Variants in RDH11 observed in about 807,000 individuals in gnomAD.
The protein encoded by RDH11 is retinol dehydrogenase 11.
In RDH11, 19 loss-of-function variants were observed where a neutral mutation model predicts 33.4. The ratio of observed to expected loss-of-function variants is 0.57; its 90% CI spans 0.40 to 0.83. RDH11 has a LOEUF of 0.83. RDH11 is among the 40% of genes least tolerant of loss of function. The pLI is 0.00. For missense variants in RDH11, 353 were observed against 389.0 expected (o/e 0.91, Z 0.78); for synonymous variants, 154 against 155.3 (o/e 0.99, Z 0.06).
chr14:67,685,153 A>C lies in RDH11; in HGVS notation c.716T>G (p.Leu239Arg), dbSNP rs929622154. The stretch of plus-strand genomic sequence containing the variant: ...TCTCATGAAAGATGAGTGCCGAACC[A>C]GTTCAGATTGGACTGTGCCAGGGTG... ...SVHPGTVQSE[L>R]VRHSSFMRWM... The change falls in exon 6 of 7, where the codon CTG (leucine) becomes CGG (arginine). Residue 239 changes from leucine (L) to arginine (R), a missense_variant. Coordinates refer to ENST00000381346, the MANE Select transcript of RDH11 (RefSeq NM_016026.4). 6.2e-7 allele frequency: 1 copy of C among 1,614,086 alleles called. No homozygotes were observed. Among genetic ancestry groups the C allele is most frequent in the African/African-American group, 1.3e-5 (1 of 74,924 alleles).
intron 6 of RDH11, among the ~76,000 whole-genome samples, chr14:67,683,883 C>T (rs2037644918): frequency 6.6e-6 from 1 of 152,138 alleles, no homozygotes; most frequent in Non-Finnish European, 1.5e-5. Context: ...CTTTGGAATC[C>T]AAGAACCCTA....
chr14:67,681,978 C>T (rs2037621887), intron 6 of RDH11, among the ~76,000 whole-genome samples: 1 of 152,116 alleles, frequency 6.6e-6, no homozygotes, highest in African/African-American at 2.4e-5. Flanking sequence ...ATGTCACTAT[C>T]ATGGGAGTGG....
chr14:67,686,909 A>G (rs900172553), intron 5 of RDH11, among the ~76,000 whole-genome samples: 5 of 152,218 alleles, frequency 3.3e-5, no homozygotes, highest in African/African-American at 1.2e-4. Context: ...GTGGACTGAC[A>G]GCTGCAGACA....
intron 6 of RDH11, among the ~76,000 whole-genome samples, chr14:67,679,043 C>T (rs1388954813): frequency 6.6e-6 from 1 of 152,144 alleles, no homozygotes; most frequent in Non-Finnish European, 1.5e-5. Context: ...AATGAGCATA[C>T]AGAAACTGGC....
intron 6 of RDH11, among the ~76,000 whole-genome samples, chr14:67,682,372 C>T (rs1189739371): frequency 1.3e-5 from 2 of 152,172 alleles, no homozygotes; most frequent in Non-Finnish European, 2.9e-5. Context: ...TGACAAGGAA[C>T]TCGCATCTAG....
intron 5 of RDH11, among the ~76,000 whole-genome samples, chr14:67,689,475 C>G (rs2037721904): frequency 6.6e-6 from 1 of 152,160 alleles, no homozygotes; most frequent in African/African-American, 2.4e-5. Flanking sequence ...CCCTGCCCCT[C>G]CATATTCCCA....
At chr14:67,686,161 G>A (rs2037675732) in intron 5 of RDH11, 1 of 152,166 alleles carries the variant, frequency 6.6e-6, no homozygotes, top group South Asian at 2.1e-4. Flanking sequence ...TTATGGGCAT[G>A]GATTTTGTAG....
At chr14:67,688,994 C>T (rs113895893) in intron 5 of RDH11, among the ~76,000 whole-genome samples, 1 of 152,172 alleles carries the variant, frequency 6.6e-6, no homozygotes, top group African/African-American at 2.4e-5. Context: ...TCTTTTACTG[C>T]ACCATAATGA....
In RDH11 at chr14:67,678,307, A is replaced by C. The variant is rs2037569305; in HGVS notation, c.*14T>G. On this transcript the variant is annotated 3_prime_UTR_variant, in exon 7 of 7. Coordinates refer to ENST00000381346, the MANE Select transcript of RDH11 (RefSeq NM_016026.4). ...CTGCTGCAGTCTTCTCTTGGGTCCA[A>C]CTGGCACTGCCTGTTAGTCTATTGG... 1 of 1,553,170 alleles carries C rather than the reference A, an allele frequency of 6.4e-7. No individual in the cohort carries two copies. Among genetic ancestry groups the C allele is most frequent in the Admixed American group, 1.7e-5 (1 of 59,894 alleles).
rs1430718223 is a variant in RDH11, at chr14:67,691,131, A to G, written c.454+9T>C. ...CTCTCTAGCTTTGTGATAAGGCCAGATTTCTTACCCAAGTGGTTGACTCCT... is the reference window on the plus strand; with the variant it reads ...CTCTCTAGCTTTGTGATAAGGCCAGGTTTCTTACCCAAGTGGTTGACTCCT... On this transcript the variant is annotated intron_variant, in intron 4 of 6. Transcript: ENST00000381346. 5 of 1,602,550 alleles carry G rather than the reference A, an allele frequency of 3.1e-6. No homozygotes were observed. The highest frequency in any genetic ancestry group is 2.2e-5 in the South Asian group (2 of 90,812).
intron 3 of RDH11, chr14:67,692,196 T>A (rs2037758597): frequency 2.2e-6 from 1 of 452,846 alleles, no homozygotes; most frequent in African/African-American, 2.1e-5. Flanking sequence ...GAGACTCCCA[T>A]GAGATTTCTG....
intron 5 of RDH11, among the ~76,000 whole-genome samples, chr14:67,687,379 A>G: frequency 6.6e-6 from 1 of 151,182 alleles, no homozygotes; most frequent in Non-Finnish European, 1.5e-5. Context: ...CAACCTACCA[A>G]TGGTAACCTT....
In RDH11 at chr14:67,685,010, C is replaced by T. The variant is rs1482203386; in HGVS notation, c.854+5G>A. The T allele has an allele frequency of 7.5e-6, 12 of 1,601,838 alleles. No individual in the cohort carries two copies. Among genetic ancestry groups the T allele is most frequent in the African/African-American group, 1.3e-5 (1 of 74,268 alleles). ...CTCATCTGCAAAAAGAGATAACATT[C>T]ATACCTGAAATGATTCCCACTTAGA... On this transcript the variant is annotated splice_donor_5th_base_variant and intron_variant, in intron 6 of 6. Coordinates refer to ENST00000381346, the MANE Select transcript of RDH11 (RefSeq NM_016026.4).
intron 6 of RDH11, among the ~76,000 whole-genome samples, chr14:67,679,560 T>A (rs903942212): frequency 7.2e-5 from 11 of 152,092 alleles, no homozygotes; most frequent in African/African-American, 2.7e-4. Flanking sequence ...CCTGCCACCA[T>A]GACTGGCTAA....
rs780815466 is a variant in RDH11, at chr14:67,692,990, A to G, written c.137T>C (p.Val46Ala). The change falls in exon 2 of 7, where the codon GTC (valine) becomes GCC (alanine). Residue 46 changes from valine to alanine, a missense_variant. Transcript: ENST00000381346. ...CCCGATACCTGTATTAGCTCCTGTGACCACAACTACTTTCCCAGGAAGCTG... is the reference window on the plus strand; with the variant it reads ...CCCGATACCTGTATTAGCTCCTGTGGCCACAACTACTTTCCCAGGAAGCTG... Reference protein sequence around the residue: ...TVQLPGKVVVVTGANTGIGKE... With the variant: ...TVQLPGKVVVATGANTGIGKE... The G allele has an allele frequency of 6.2e-7, 1 of 1,614,106 alleles. No individual in the cohort carries two copies. Among genetic ancestry groups the G allele is most frequent in the South Asian group, 1.1e-5 (1 of 91,076 alleles).
rs1480997353 is a variant in RDH11, at chr14:67,679,975, C to T, written c.855-1552G>A. ...AGTCTGAATTAACTATATATGCAAA[C>T]TCTTAACACTATGTCAAGTAAGACA... On this transcript the variant is annotated intron_variant, in intron 6 of 6. Coordinates refer to ENST00000381346, the MANE Select transcript of RDH11 (RefSeq NM_016026.4). Among the ~76,000 whole-genome samples the T allele has an allele frequency of 2.0e-5, 3 of 152,294 alleles. No individual in the cohort carries two copies. In the East Asian group the frequency reaches 5.8e-4, roughly 29 times the overall value.
intron 1 of RDH11, among the ~76,000 whole-genome samples, chr14:67,694,453 CACACACACACACATATATATATAT>C (rs1454130175): frequency 1.1e-4 from 14 of 128,678 alleles, no homozygotes; most frequent in East Asian, 8.9e-4. Flanking sequence ...TATATATATA[CACACACACACACATATATATATAT>C]ACACACACAC....
At chr14:67,679,404 GT>G (rs532131167) in intron 6 of RDH11, among the ~76,000 whole-genome samples, 281 of 140,760 alleles carry the variant, frequency 2.0e-3, no homozygotes, top group Admixed American at 2.4e-3. Context: ...TTAATTCCAA[GT>G]TTTTTTTTTT....
At chr14:67,691,304 A>T in intron 3 of RDH11, 60 bp from the exon 4 acceptor site, 1 of 1,148,826 alleles carries the variant, frequency 8.7e-7, no homozygotes, top group Non-Finnish European at 1.3e-6. Context: ...CATCTTAGAA[A>T]GCTGCCTCAC....
Sources: gnomAD v4.1 joint callset for allele counts (sites outside exome capture counted in the v4.1 genomes callset) on GRCh38, gnomAD v4.1.1 for gene constraint, MANE v1.5 for transcripts, NCBI Gene and HGNC (gene_info 2026-07-23, HGNC 2026-07-21) for gene names.